Variants in DDX6 observed in about 807,000 individuals in gnomAD.
The protein encoded by DDX6 is probable ATP-dependent RNA helicase DDX6.
A neutral mutation model predicts 60.6 loss-of-function variants in DDX6; 7 were observed. The ratio of observed to expected loss-of-function variants is 0.12; its 90% CI spans 0.07 to 0.22. DDX6 has a LOEUF of 0.22. Among genes scored for constraint, DDX6 ranks in the 10% least tolerant of loss-of-function variants. DDX6 has a pLI of 1.00. For missense variants in DDX6, 270 were observed against 589.9 expected, an observed-to-expected ratio of 0.46 and a Z score of 5.62; for synonymous variants, 207 against 201.0, an observed-to-expected ratio of 1.03 and a Z score of -0.25.
At chr11:118,776,689 C>A (rs571989090) in intron 4 of DDX6, among the ~76,000 whole-genome samples, 1 of 151,902 alleles carries the variant, frequency 6.6e-6, no homozygotes, top group Non-Finnish European at 1.5e-5. Context: ...AAAAATTAGC[C>A]GGGTGCTGTG....
chr11:118,761,264 A>G (rs1243610208), intron 7 of DDX6, among the ~76,000 whole-genome samples: 6 of 152,326 alleles, frequency 3.9e-5, no homozygotes, highest in African/African-American at 1.4e-4. Flanking sequence ...TAAAATTGTA[A>G]AACTATTAAA....
chr11:118,789,972 G>A (rs559854069), intron 1 of DDX6: 17 of 152,314 alleles, frequency 1.1e-4, no homozygotes, highest in African/African-American at 4.1e-4. Flanking sequence ...TAGACTAGTT[G>A]GGAGGAGCCC....
intron 13 of DDX6, among the ~76,000 whole-genome samples, chr11:118,753,477 C>A (rs142527115): frequency 0.05 from 7,601 of 150,830 alleles, 608 homozygotes; most frequent in African/African-American, 0.18. Flanking sequence ...GTAGCTGGGA[C>A]TACAGGTGCG....
At chr11:118,774,113 C>T (rs1226545911) in intron 4 of DDX6, among the ~76,000 whole-genome samples, 2 of 152,144 alleles carry the variant, frequency 1.3e-5, no homozygotes, top group Admixed American at 6.5e-5. Flanking sequence ...CTCATTTCTT[C>T]ACCTTCTTAG....
intron 9 of DDX6, among the ~76,000 whole-genome samples, chr11:118,757,567 G>T (rs1174654907): frequency 6.6e-6 from 1 of 151,858 alleles, no homozygotes; most frequent in Admixed American, 6.6e-5. Flanking sequence ...TATGTTTTAT[G>T]TGTTTCCATT....
chr11:118,754,909 AT>A, intron 12 of DDX6, 22 bp from the exon 13 acceptor site: 1 of 1,573,280 alleles, frequency 6.4e-7, no homozygotes, highest in South Asian at 1.2e-5. Flanking sequence ...GCGTTTAAAA[AT>A]TTTAATGAAT....
At chr11:118,772,339 T>C (rs1460400126) in intron 4 of DDX6, among the ~76,000 whole-genome samples, 1 of 152,142 alleles carries the variant, frequency 6.6e-6, no homozygotes, top group African/African-American at 2.4e-5. Flanking sequence ...GGAATATTGA[T>C]ACAAGCTACA....
intron 13 of DDX6, 62 bp downstream of exon 13, chr11:118,754,643 G>C: frequency 6.8e-7 from 1 of 1,461,546 alleles, no homozygotes; most frequent in South Asian, 1.4e-5. Flanking sequence ...TTTCCCCCAG[G>C]AAAGAAGATT....
Position 118,751,944 on chromosome 11 carries a change from T to C in DDX6, c.*161A>G. On this transcript the variant is annotated 3_prime_UTR_variant, in exon 14 of 14. Coordinates refer to ENST00000534980, the MANE Select transcript of DDX6 (RefSeq NM_004397.6). ...AAAGGTATATTCCTTCTTTTCAGCC[T>C]TTTTCTCTTCACCAGTTAAAAAAAG... The C allele has an allele frequency of 4.9e-6, 2 of 411,834 alleles. No individual in the cohort carries two copies. Among genetic ancestry groups the C allele is most frequent in the East Asian group, 8.4e-5 (1 of 11,954 alleles). 25.5% of individuals were successfully genotyped at this position (411,834 alleles called of 1,614,324 possible). A position where few individuals can be genotyped will look rare whatever the true frequency, so the allele number is the denominator to read the frequency against.
intron 7 of DDX6, 148 bp from the exon 8 acceptor site, chr11:118,760,192 A>ATATTTGACTCTCTGCAGT: frequency 1.3e-6 from 1 of 786,040 alleles, no homozygotes; most frequent in Non-Finnish European, 1.9e-6. Flanking sequence ...CCAACACTGC[A>ATATTTGACTCTCTGCAGT]GAGAGTCAAA....
At chr11:118,787,626 C>T (rs944624881) in intron 1 of DDX6, 1 of 152,090 alleles carries the variant, frequency 6.6e-6, no homozygotes, top group South Asian at 2.1e-4. Flanking sequence ...GTGACAGAGA[C>T]CTTGTCTCAA....
intron 2 of DDX6, among the ~76,000 whole-genome samples, chr11:118,784,461 GT>G (rs34444218): frequency 1.4e-3 from 194 of 142,464 alleles, no homozygotes; most frequent in African/African-American, 1.7e-3. Context: ...TATATGGCAA[GT>G]TTTTTTTTTT....
intron 3 of DDX6, among the ~76,000 whole-genome samples, chr11:118,780,114 C>CAAAAAAAAAAAAAA (rs71044492): frequency 7.4e-5 from 3 of 40,282 alleles, no homozygotes; most frequent in Non-Finnish European, 1.3e-4. Flanking sequence ...GACTCTATCT[C>CAAAAAAAAAAAAAA]AAAAAAAAAA....
chr11:118,770,215 G>A (rs1362972387), intron 4 of DDX6, among the ~76,000 whole-genome samples: 4 of 151,396 alleles, frequency 2.6e-5, no homozygotes, highest in Non-Finnish European at 5.9e-5. Flanking sequence ...TAGTAGAGAC[G>A]GGGTGTTTCA....
chr11:118,781,045 C>G (rs139473367), intron 3 of DDX6, 76 bp downstream of exon 3: 3 of 1,002,204 alleles, frequency 3.0e-6, no homozygotes, highest in East Asian at 2.6e-5. Context: ...CCAATTCCCT[C>G]CAGATACCGA....
chr11:118,790,260 CCAAA>C (rs1196346029), intron 1 of DDX6: 1 of 152,076 alleles, frequency 6.6e-6, no homozygotes, highest in African/African-American at 2.4e-5. Context: ...GCCCCACGCC[CCAAA>C]CACACACACT....
At chr11:118,769,542 A>G (rs2137481469) in intron 4 of DDX6, among the ~76,000 whole-genome samples, 1 of 152,306 alleles carries the variant, frequency 6.6e-6, no homozygotes. Flanking sequence ...CTTAAAAATA[A>G]ATAGACATAT....
rs748806705 is a variant in DDX6 at position 118,786,227 on chromosome 11, G to A, written c.25C>T (p.Pro9Ser). The A allele has an allele frequency of 2.5e-6, 4 of 1,611,594 alleles. No individual in the cohort carries two copies. Among genetic ancestry groups the A allele is most frequent in the African/African-American group, 1.3e-5 (1 of 74,914 alleles). The change falls in exon 2 of 14, where the codon CCT becomes TCT. Residue 9 changes from proline (P) to serine (S), a missense_variant. By Grantham distance (74) the Pro-to-Ser change is moderately conservative. Around this residue, in one of 8 missense-constraint regions of DDX6, gnomAD observed 102 missense variants for 110.5 expected, o/e 0.92. Coordinates refer to ENST00000534980, the MANE Select transcript of DDX6 (RefSeq NM_004397.6). ...TGACTGGACAGACCCATTATAACAG[G>A]GTTCTCTGTTCTGGCCGTGCTCATG... The part of the protein sequence containing the change: MSTARTEN[P>S]VIMGLSSQNG...
intron 10 of DDX6, 97 bp downstream of exon 10, chr11:118,757,074 G>A (rs1861002706): frequency 3.0e-6 from 2 of 665,592 alleles, no homozygotes; most frequent in East Asian, 3.3e-5. Context: ...CTAAGGAACA[G>A]TTTATTCTTA....
Sources: gnomAD v4.1 joint callset for allele counts (sites outside exome capture counted in the v4.1 genomes callset) on GRCh38, gnomAD v4.1.1 for gene constraint, gnomAD v4.1.1 regional missense constraint, MANE v1.5 for transcripts, NCBI Gene and HGNC (gene_info 2026-07-23, HGNC 2026-07-21) for gene names.